LTN1: variants seen among roughly 807,000 people sequenced by gnomAD.
The protein encoded by LTN1 is listerin E3 ubiquitin protein ligase 1.
LTN1 carries 88 observed loss-of-function variants against 201.2 expected under a neutral mutation model. The ratio of observed to expected loss-of-function variants is 0.44; its 90% CI spans 0.37 to 0.52. The LOEUF (loss-of-function observed/expected upper bound fraction) is 0.52. Ranked by LOEUF, LTN1 falls within the 20% of genes least tolerant of loss-of-function variation. The pLI is 0.00. For missense variants in LTN1, 1,752 were observed against 2,038.7 expected (o/e 0.86, Z 2.71); for synonymous variants, 645 against 713.5 (o/e 0.90, Z 1.53).
At chr21:28,985,253 A>G (rs539017043) in intron 3 of LTN1, among the ~76,000 whole-genome samples, 37 of 152,226 alleles carry the variant, frequency 2.4e-4, no homozygotes, top group African/African-American at 8.7e-4. Context: ...GGCGGTCAGG[A>G]GTTCAAGACC....
chr21:28,963,084 A>G (rs2084493040), intron 11 of LTN1, among the ~76,000 whole-genome samples: 1 of 152,228 alleles, frequency 6.6e-6, no homozygotes, highest in African/African-American at 2.4e-5. Flanking sequence ...CCACAATACA[A>G]AAGTACAAGG....
chr21:28,938,063 G>T lies in LTN1; in HGVS notation c.4483-1366C>A, dbSNP rs145688723. On this transcript the variant is annotated intron_variant, in intron 25 of 29. Transcript: ENST00000361371. ...TGACAAGAAAGAAAAGAAAGGTATA[G>T]AAATTATAGGTTAAAGAAACTAAAG... Among the ~76,000 whole-genome samples the T allele has an allele frequency of 1.1e-3, 169 of 152,172 alleles. 1 individual carries two copies. The highest frequency in any genetic ancestry group is 3.3e-3 in the African/African-American group (139 of 41,516).
At chr21:28,944,641 G>A (rs1042888657) in intron 21 of LTN1, 45 bp from the exon 22 acceptor site, 1 of 1,341,698 alleles carries the variant, frequency 7.5e-7, no homozygotes, top group Non-Finnish European at 1.0e-6. Flanking sequence ...ACTTCTACCA[G>A]AACACTACAA....
At chr21:28,952,306 A>G (rs1217547990) in intron 17 of LTN1, 42 bp from the exon 18 acceptor site, 3 of 1,213,326 alleles carry the variant, frequency 2.5e-6, no homozygotes, top group African/African-American at 1.5e-5. Flanking sequence ...TTTTGAAAGC[A>G]TACTGAATAA....
Position 28,942,204 on chromosome 21 carries a change from T to G in LTN1, c.4296-798A>C, listed in dbSNP as rs1184793157. Among the ~76,000 whole-genome samples, 3 of 152,154 alleles carry G rather than the reference T, an allele frequency of 2.0e-5. No homozygotes were observed. In the East Asian group the frequency reaches 5.8e-4, roughly 29 times the overall value. ...CTTTTCCTTCAACACCTCCATCTCATGTACCCAGCCTTCTATATTCCATAC... is the reference window on the plus strand; with the variant it reads ...CTTTTCCTTCAACACCTCCATCTCAGGTACCCAGCCTTCTATATTCCATAC... On this transcript the variant is annotated intron_variant, in intron 24 of 29. Transcript: ENST00000361371.
chr21:28,990,921 A>G (rs1404651434), intron 1 of LTN1, among the ~76,000 whole-genome samples: 1 of 151,758 alleles, frequency 6.6e-6, no homozygotes, highest in Non-Finnish European at 1.5e-5. Context: ...CTCAGATGTT[A>G]AAACGGTTTA....
chr21:28,963,316 G>A (rs1272045969), intron 11 of LTN1, among the ~76,000 whole-genome samples: 3 of 152,142 alleles, frequency 2.0e-5, no homozygotes, highest in African/African-American at 7.2e-5. Flanking sequence ...TAATATAGCT[G>A]GTAACTTTAA....
At chr21:28,965,460 G>A (rs1314701053) in intron 11 of LTN1, among the ~76,000 whole-genome samples, 1 of 152,140 alleles carries the variant, frequency 6.6e-6, no homozygotes, top group African/African-American at 2.4e-5. Context: ...TAGTGTTCCA[G>A]AGTAGAGAAA....
chr21:28,986,461 A>G lies in LTN1; in HGVS notation c.247-224T>C, dbSNP rs1332944046. The G allele has an allele frequency of 3.0e-6, 2 of 677,340 alleles. No homozygotes were observed. Among genetic ancestry groups the G allele is most frequent in the Non-Finnish European group, 5.3e-6 (2 of 377,464 alleles). The allele number at this position is 677,340 out of a possible 1,614,324, so 42.0% of individuals were successfully genotyped here. A position where few individuals can be genotyped will look rare whatever the true frequency, so the allele number is the denominator to read the frequency against. On this transcript the variant is annotated intron_variant, in intron 2 of 29. Coordinates refer to ENST00000361371, the MANE Select transcript of LTN1 (RefSeq NM_015565.3). This position sits in a 1 kb window ranked among gnomAD's most constrained non-coding sequence, Gnocchi z 4.1. ...ATCTACAAACAAAAAAACCTCATTT[A>G]AAGTTACAAGGTCAAAGTTACATTC...
intron 28 of LTN1, 119 bp downstream of exon 28, chr21:28,932,351 A>T (rs115128457): frequency 2.4e-6 from 2 of 819,338 alleles, no homozygotes; most frequent in African/African-American, 3.4e-5. Context: ...TATTTATCCA[A>T]GGAAGTTTAA....
At chr21:28,975,355 G>A (rs1190964655) in intron 6 of LTN1, among the ~76,000 whole-genome samples, 1 of 152,024 alleles carries the variant, frequency 6.6e-6, no homozygotes, top group Non-Finnish European at 1.5e-5. Flanking sequence ...CCTCCAAAAA[G>A]AAGATATACA....
Position 28,969,857 on chromosome 21 carries a change from C to CT in LTN1, c.1176-257dup, listed in dbSNP as rs201935178. 1.3e-3 allele frequency among the ~76,000 whole-genome samples: 202 copies of CT among 150,556 alleles called. 2 individuals carry two copies. The highest frequency in any genetic ancestry group is 3.4e-3 in the Middle Eastern group (1 of 290). On this transcript the variant is annotated intron_variant, in intron 8 of 29. Transcript: ENST00000361371. Reference sequence around the variant, plus strand: ...AGAATATTTCCTTTTTCTTTTTCTTCTTTTTTTTTAGAAATAGGGTCTTAC... The same window carrying CT: ...AGAATATTTCCTTTTTCTTTTTCTTCTTTTTTTTTTAGAAATAGGGTCTTAC...
chr21:28,958,963 G>A (rs1412229925), intron 13 of LTN1, among the ~76,000 whole-genome samples: 1 of 152,048 alleles, frequency 6.6e-6, no homozygotes, highest in East Asian at 1.9e-4. Context: ...AAAGAATGAA[G>A]GGTGGGAGGA....
intron 4 of LTN1, among the ~76,000 whole-genome samples, chr21:28,983,725 T>C (rs980608704): frequency 6.6e-6 from 1 of 152,150 alleles, no homozygotes; most frequent in African/African-American, 2.4e-5. Flanking sequence ...CAGATGGAAA[T>C]GTTTAAGTAG....
chr21:28,965,438 T>C (rs1698196337), intron 11 of LTN1, among the ~76,000 whole-genome samples: 1 of 152,222 alleles, frequency 6.6e-6, no homozygotes, highest in South Asian at 2.1e-4. Context: ...GGAAGATTTT[T>C]ATTTACCTAC....
chr21:28,966,800 T>C lies in LTN1; in HGVS notation c.1691A>G (p.Glu564Gly). The change falls in exon 10 of 30, where the codon GAA becomes GGA. Residue 564 changes from glutamate (E) to glycine (G), a missense_variant. Physicochemically the swap from Glu to Gly is moderately conservative, Grantham distance 98. This residue lies in a region of LTN1 where 1,211 missense variants were observed against 1,312.8 expected (regional missense o/e 0.92). Coordinates refer to ENST00000361371, the MANE Select transcript of LTN1 (RefSeq NM_015565.3). ...AGGTTCAGTTGTTAATTCCCAGCCTTCAATCTTCTCTCCTTCTGAAGATAC... is the reference window on the plus strand; with the variant it reads ...AGGTTCAGTTGTTAATTCCCAGCCTCCAATCTTCTCTCCTTCTGAAGATAC... ...KCVSSEGEKI[E>G]GWELTTEPSL... The C allele has an allele frequency of 6.2e-7, 1 of 1,613,298 alleles. No homozygotes were observed. The highest frequency in any genetic ancestry group is 8.5e-7 in the Non-Finnish European group (1 of 1,179,798).
intron 6 of LTN1, among the ~76,000 whole-genome samples, chr21:28,972,130 GGTATGAGAGACCAT>G: frequency 6.6e-6 from 1 of 152,078 alleles, no homozygotes; most frequent in Non-Finnish European, 1.5e-5. Flanking sequence ...CTTACAAAAG[GGTATGAGAGACCAT>G]GTTTACTCCT....
At chr21:28,930,690 T>C (rs2084203950) in intron 29 of LTN1, among the ~76,000 whole-genome samples, 180 bp from the exon 30 acceptor site, 1 of 152,242 alleles carries the variant, frequency 6.6e-6, no homozygotes. Flanking sequence ...TTACTTCCGA[T>C]GGCTACACTA....
At chr21:28,955,916 C>T (rs1415629532) in intron 16 of LTN1, among the ~76,000 whole-genome samples, 1 of 103,884 alleles carries the variant, frequency 9.6e-6, no homozygotes, top group Non-Finnish European at 1.8e-5. Context: ...GAGCGAGACT[C>T]TGTCTCAAAA....
Sources: allele counts gnomAD v4.1 joint callset (sites outside exome capture counted in the v4.1 genomes callset), GRCh38; gene constraint gnomAD v4.1.1; regional missense constraint gnomAD v4.1.1; non-coding constraint Gnocchi (gnomAD v3.1); transcripts MANE v1.5; gene names NCBI Gene and HGNC (gene_info 2026-07-23, HGNC 2026-07-21).